The following GNAS-AS1 variants were observed in gnomAD, a reference collection of about 807,000 sequenced individuals.
GNAS-AS1 encodes the protein GNAS antisense RNA 1.
Position 58,824,059 on chromosome 20 carries a change from C to T in GNAS-AS1, n.820-4804G>A, listed in dbSNP as rs192423703. On this transcript the variant is annotated intron_variant and non_coding_transcript_variant, in intron 4 of 4. Transcript: ENST00000424094. ...ACGCTCTCTTTGGGGAGGAAGAGGTCGGCTTCAACATATCCTAAAAGAACC... is the reference window on the plus strand; with the variant it reads ...ACGCTCTCTTTGGGGAGGAAGAGGTTGGCTTCAACATATCCTAAAAGAACC... The T allele has an allele frequency of 2.1e-4, 82 of 398,658 alleles. 2 individuals are homozygous for T. The East Asian group carries it at 2.9e-3, about 14-fold the overall frequency. The allele number at this position is 398,658 out of a possible 1,614,324, so 24.7% of individuals were successfully genotyped here. A position where few individuals can be genotyped will look rare whatever the true frequency, so the allele number is the denominator to read the frequency against.
chr20:58,819,851 A>C (rs760202887), intron 4 of GNAS-AS1, among the ~76,000 whole-genome samples: 1 of 152,240 alleles, frequency 6.6e-6, no homozygotes, highest in Non-Finnish European at 1.5e-5. Flanking sequence ...CAAAAAACCC[A>C]GACCCACACA....
At chr20:58,822,991 C>T (rs949730364) in intron 4 of GNAS-AS1, among the ~76,000 whole-genome samples, 3 of 152,138 alleles carry the variant, frequency 2.0e-5, no homozygotes, top group Non-Finnish European at 2.9e-5. Flanking sequence ...CTTGCCTGCC[C>T]GCCACCCCTG....
chr20:58,844,696 A>T (rs2085876144), intron 2 of GNAS-AS1, among the ~76,000 whole-genome samples: 1 of 152,084 alleles, frequency 6.6e-6, no homozygotes, highest in Non-Finnish European at 1.5e-5. Context: ...TTTAACCCTA[A>T]TGGAACTCCC....
chr20:58,840,510 C>A lies in GNAS-AS1; in HGVS notation n.819+1427G>T. 1.9e-6 allele frequency: 3 copies of A among 1,613,338 alleles called. No individual in the cohort carries two copies. Among genetic ancestry groups the A allele is most frequent in the Non-Finnish European group, 2.5e-6 (3 of 1,179,786 alleles). Reference sequence around the variant, plus strand: ...ACCGAGCCTGAGACCGCCCCCACCACTGAGCCCGAGACCGAGCCTGAAGAC... The same window carrying A: ...ACCGAGCCTGAGACCGCCCCCACCAATGAGCCCGAGACCGAGCCTGAAGAC... On this transcript the variant is annotated intron_variant and non_coding_transcript_variant, in intron 4 of 4. Transcript: ENST00000424094. The surrounding 1 kb of genome is among the most constrained non-coding windows in gnomAD (Gnocchi z 6.0).
intron 4 of GNAS-AS1, chr20:58,834,449 C>T (rs6026549): frequency 0.42 from 62,151 of 149,144 alleles, 14,230 homozygotes; most frequent in East Asian, 0.79. Context: ...AGTGTAGGTC[C>T]GGCTGGGCAG....
intron 4 of GNAS-AS1, among the ~76,000 whole-genome samples, chr20:58,821,482 G>A (rs370859641): frequency 9.8e-5 from 15 of 152,358 alleles, no homozygotes; most frequent in African/African-American, 1.9e-4. Context: ...TGACCTGTGC[G>A]TACCTCAGTT....
chr20:58,837,567 C>T (rs1031777980), intron 4 of GNAS-AS1, among the ~76,000 whole-genome samples: 6 of 152,194 alleles, frequency 3.9e-5, no homozygotes, highest in African/African-American at 1.4e-4. Context: ...CTCAGCCACC[C>T]GAGTAGCTGG....
At chr20:58,836,271 G>GCC (rs1568903105) in intron 4 of GNAS-AS1, 1 of 152,110 alleles carries the variant, frequency 6.6e-6, no homozygotes, top group Admixed American at 6.5e-5. Context: ...CTGACAAAGC[G>GCC]CCAACTTTCT....
At chr20:58,839,944 G>A (rs2085655872) in intron 4 of GNAS-AS1, 2 of 687,340 alleles carry the variant, frequency 2.9e-6, no homozygotes, top group Admixed American at 2.8e-5. Flanking sequence ...CAGGAAGGTA[G>A]GTGCTTCCCT....
At chr20:58,850,508 T>C (rs749604101) in intron 1 of GNAS-AS1, 10 of 398,402 alleles carry the variant, frequency 2.5e-5, no homozygotes, top group Non-Finnish European at 3.5e-5. Flanking sequence ...TCCCTGGGGC[T>C]CCAACCCCAA....
intron 4 of GNAS-AS1, chr20:58,826,030 G>C: frequency 2.5e-6 from 1 of 398,642 alleles, no homozygotes; most frequent in Non-Finnish European, 4.4e-6. Flanking sequence ...CTTACCTTTA[G>C]ACGATGACTT....
At position 58,840,150 on chromosome 20, in the gene GNAS-AS1, A is replaced by G. The variant is rs1389217949; in HGVS notation, n.819+1787T>C. ...GCTCAGCAGTGGCGCCGAGCTCGCC[A>G]TAATTACAACGACCTGTGCCCGCCC... is the stretch of plus-strand genomic sequence containing the variant. On this transcript the variant is annotated intron_variant and non_coding_transcript_variant, in intron 4 of 4. Transcript: ENST00000424094. The surrounding 1 kb of genome is among the most constrained non-coding windows in gnomAD (Gnocchi z 6.0). 1.2e-6 allele frequency: 2 copies of G among 1,611,694 alleles called. No individual in the cohort carries two copies. Among genetic ancestry groups the G allele is most frequent in the Admixed American group, 1.7e-5 (1 of 60,026 alleles).
intron 4 of GNAS-AS1, among the ~76,000 whole-genome samples, chr20:58,819,821 G>A (rs987269262): frequency 1.3e-5 from 2 of 152,156 alleles, no homozygotes; most frequent in African/African-American, 4.8e-5. Flanking sequence ...TCTACCTCTG[G>A]TCCCAACCTT....
intron 4 of GNAS-AS1, among the ~76,000 whole-genome samples, chr20:58,830,473 C>T (rs1347598799): frequency 8.0e-6 from 1 of 125,736 alleles, no homozygotes; most frequent in Non-Finnish European, 1.7e-5. Flanking sequence ...ACCACACCAC[C>T]ATCATCACCA....
At position 58,841,692 on chromosome 20, in the gene GNAS-AS1, G is replaced by T. The variant is rs1288075595; in HGVS notation, n.819+245C>A. On this transcript the variant is annotated intron_variant and non_coding_transcript_variant, in intron 4 of 4. Transcript: ENST00000424094. This position sits in a 1 kb window ranked among gnomAD's most constrained non-coding sequence, Gnocchi z 5.0. Reference sequence around the variant, plus strand: ...CTGGGGGAAAGGTAGAGGAGGTAAGGGGACCCTTGGGGATGCCCCTACGGG... The same window carrying T: ...CTGGGGGAAAGGTAGAGGAGGTAAGTGGACCCTTGGGGATGCCCCTACGGG... 3.3e-6 allele frequency: 4 copies of T among 1,200,226 alleles called. No individual in the cohort carries two copies. In the East Asian group the frequency reaches 1.4e-4, roughly 41 times the overall value. 74.3% of individuals were successfully genotyped at this position (1,200,226 alleles called of 1,614,324 possible).
In GNAS-AS1 at chr20:58,839,627, A is replaced by G. The variant is rs753223785; in HGVS notation, n.819+2310T>C. On this transcript the variant is annotated intron_variant and non_coding_transcript_variant, in intron 4 of 4. Transcript: ENST00000424094. ...CTGCCGGCCCACTAGGGTCTGCGCC[A>G]CAGGCTCGGCGCCACCACGCAGCTC... 16 of 424,552 alleles carry G rather than the reference A, an allele frequency of 3.8e-5. No homozygotes were observed. The East Asian group carries it at 5.4e-4, about 14-fold the overall frequency. 26.3% of individuals were successfully genotyped at this position (424,552 alleles called of 1,614,324 possible).
intron 4 of GNAS-AS1, chr20:58,819,399 G>A (rs1278952479): frequency 5.0e-6 from 2 of 397,306 alleles, no homozygotes; most frequent in East Asian, 3.6e-5. Flanking sequence ...TGCTTCCAAC[G>A]GCCAGAACGG....
intron 4 of GNAS-AS1, among the ~76,000 whole-genome samples, chr20:58,830,397 TCACTGCCACACCACCATCACCAC>T (rs1673754691): frequency 3.3e-5 from 1 of 30,540 alleles, no homozygotes; most frequent in African/African-American, 1.3e-4. Context: ...ACCACCACCA[TCACTGCCACACCACCATCACCAC>T]CACCGCCACA....
chr20:58,829,444 G>A, intron 4 of GNAS-AS1, among the ~76,000 whole-genome samples: 1 of 152,214 alleles, frequency 6.6e-6, no homozygotes, highest in East Asian at 1.9e-4. Flanking sequence ...CATGGTTTAT[G>A]GCTGTTCAAG....
Sources: allele counts gnomAD v4.1 joint callset (sites outside exome capture counted in the v4.1 genomes callset), GRCh38; gene constraint gnomAD v4.1.1; non-coding constraint Gnocchi (gnomAD v3.1); transcripts MANE v1.5; gene names NCBI Gene and HGNC (gene_info 2026-07-23, HGNC 2026-07-21).